Variants in SORBS2 observed in about 807,000 individuals in gnomAD.
SORBS2 encodes sorbin and SH3 domain containing 2.
Under a neutral mutation model 97.7 loss-of-function variants are expected in SORBS2, and 46 were observed. The ratio of observed to expected loss-of-function variants is 0.47; its 90% CI spans 0.37 to 0.60. SORBS2 has a LOEUF of 0.60. SORBS2 is among the 20% of genes least tolerant of loss of function. The probability of loss-of-function intolerance (pLI) is 0.00; values close to 1 mark genes in which losing one functional copy is unlikely to be tolerated. For synonymous variants in SORBS2, 476 were observed against 473.4 expected, an observed-to-expected ratio of 1.01 and a Z score of -0.07; for missense variants, 1,316 against 1,282.3, an observed-to-expected ratio of 1.03 and a Z score of -0.40.
At chr4:185,686,483 G>T (rs1321847908) in intron 2 of SORBS2, among the ~76,000 whole-genome samples, 1 of 152,142 alleles carries the variant, frequency 6.6e-6, no homozygotes, top group Non-Finnish European at 1.5e-5. Context: ...AGAACCCAAA[G>T]AAAGTGACAC....
At chr4:185,644,650 T>C (rs1172258031) in intron 4 of SORBS2, among the ~76,000 whole-genome samples, 1 of 152,154 alleles carries the variant, frequency 6.6e-6, no homozygotes. Flanking sequence ...GGAAATGCCA[T>C]GTGTCTGCTT....
chr4:185,829,644 T>C (rs917531139), intron 1 of SORBS2, among the ~76,000 whole-genome samples: 1 of 152,182 alleles, frequency 6.6e-6, no homozygotes, highest in Non-Finnish European at 1.5e-5. Flanking sequence ...CTCCAGAAGG[T>C]AGAAGAATGA....
chr4:185,681,288 C>T (rs2097862749), intron 2 of SORBS2, among the ~76,000 whole-genome samples: 1 of 151,860 alleles, frequency 6.6e-6, no homozygotes, highest in Non-Finnish European at 1.5e-5. Context: ...TTAGCATAGC[C>T]CTGCTTTTAT....
At chr4:185,922,607 C>A (rs183240678) in intron 1 of SORBS2, among the ~76,000 whole-genome samples, 85 of 152,258 alleles carry the variant, frequency 5.6e-4, no homozygotes, top group African/African-American at 1.9e-3. Flanking sequence ...CTTGTTTTAT[C>A]ATTTGTAATT....
intron 4 of SORBS2, among the ~76,000 whole-genome samples, chr4:185,670,414 T>A (rs2097695117): frequency 6.6e-6 from 1 of 152,148 alleles, no homozygotes; most frequent in Non-Finnish European, 1.5e-5. Flanking sequence ...AGGTTCCAGT[T>A]GGCTTGACAT....
Position 185,609,675 on chromosome 4 carries a change from T to G in SORBS2, c.2796+2105A>C, listed in dbSNP as rs1168627908. On this transcript the variant is annotated intron_variant, in intron 12 of 14. Coordinates refer to ENST00000418609, the Ensembl canonical transcript of SORBS2. ...ATATCAGAAATAAAATCAACATACA[T>G]TTTAGTCTCCCCTAAGACAAAGACA... Among the ~76,000 whole-genome samples, 7 of 152,212 alleles carry G rather than the reference T, an allele frequency of 4.6e-5. No individual in the cohort carries two copies. In the East Asian group the frequency reaches 1.3e-3, roughly 29 times the overall value.
At chr4:185,648,762 G>A (rs2097259302) in intron 3 of SORBS2, among the ~76,000 whole-genome samples, 1 of 152,106 alleles carries the variant, frequency 6.6e-6, no homozygotes, top group African/African-American at 2.4e-5. Flanking sequence ...TTTCTAAACT[G>A]CAGTTTCTTC....
intron 1 of SORBS2, among the ~76,000 whole-genome samples, chr4:185,861,341 G>C (rs1202969387): frequency 7.3e-6 from 1 of 136,082 alleles, no homozygotes; most frequent in African/African-American, 2.7e-5. Context: ...TCAGTCGGGT[G>C]GGGGGCTTAG....
chr4:185,716,588 G>A (rs2098466846), intron 2 of SORBS2, among the ~76,000 whole-genome samples: 1 of 146,976 alleles, frequency 6.8e-6, no homozygotes, highest in African/African-American at 2.5e-5. Flanking sequence ...GTTTTCTCTT[G>A]TATAAATGAG....
intron 4 of SORBS2, chr4:185,639,001 C>T (rs2097080007): frequency 2.0e-6 from 3 of 1,523,398 alleles, no homozygotes; most frequent in Non-Finnish European, 2.6e-6. Context: ...GCCAGGTTCC[C>T]TTGGAACAGG....
chr4:185,798,005 A>G (rs1215320698), intron 1 of SORBS2, among the ~76,000 whole-genome samples: 1 of 152,090 alleles, frequency 6.6e-6, no homozygotes, highest in African/African-American at 2.4e-5. Context: ...CCCCTCCCTC[A>G]TCCCAAAGAC....
At chr4:185,677,244 G>C (rs2097800461) in intron 4 of SORBS2, 1 of 1,551,720 alleles carries the variant, frequency 6.4e-7, no homozygotes, top group African/African-American at 1.4e-5. Context: ...GAACTGTGGA[G>C]TACTAATGGG....
In SORBS2 at chr4:185,605,957, A is replaced by G. The variant is rs2096408502; in HGVS notation, c.2796+5823T>C. 3 of 271,622 alleles carry G rather than the reference A, an allele frequency of 1.1e-5. No homozygotes were observed. The South Asian group carries it at 4.2e-4, about 38-fold the overall frequency. 16.8% of individuals were successfully genotyped at this position (271,622 alleles called of 1,614,324 possible). On this transcript the variant is annotated intron_variant, in intron 12 of 14. Transcript: ENST00000418609. ...AAAACCACTGTTCAAGATTCTTCAT[A>G]ACATGAAGATACAGTACCCAGTTCT...
intron 2 of SORBS2, among the ~76,000 whole-genome samples, chr4:185,711,641 A>G (rs540390850): frequency 4.7e-4 from 72 of 152,332 alleles, no homozygotes; most frequent in African/African-American, 1.6e-3. Flanking sequence ...TCTGTTCTAC[A>G]TCCTTCCCCA....
intron 4 of SORBS2, among the ~76,000 whole-genome samples, chr4:185,672,301 G>A (rs973236714): frequency 1.8e-4 from 27 of 152,242 alleles, no homozygotes; most frequent in Non-Finnish European, 4.4e-5. Context: ...AGTGGCAGCT[G>A]TGAAGGTGAG....
intron 4 of SORBS2, among the ~76,000 whole-genome samples, chr4:185,642,364 T>C (rs1024510662): frequency 2.0e-5 from 3 of 152,150 alleles, no homozygotes; most frequent in African/African-American, 7.2e-5. Context: ...TTTTTTTTAC[T>C]TTATCAAGCA....
At chr4:185,625,754 C>T (rs1377001220) in intron 6 of SORBS2, among the ~76,000 whole-genome samples, 1 of 152,220 alleles carries the variant, frequency 6.6e-6, no homozygotes, top group African/African-American at 2.4e-5. Flanking sequence ...CAGCTGATAT[C>T]ACAGCTTTAC....
chr4:185,682,681 G>T (rs2097888742), intron 2 of SORBS2, among the ~76,000 whole-genome samples: 1 of 152,122 alleles, frequency 6.6e-6, no homozygotes, highest in South Asian at 2.1e-4. Flanking sequence ...GCATATTAAT[G>T]CTAACTTCTT....
intron 1 of SORBS2, chr4:185,918,329 C>T (rs2099259318): frequency 6.6e-6 from 1 of 152,166 alleles, no homozygotes; most frequent in Non-Finnish European, 1.5e-5. Context: ...GGTTACAGAG[C>T]TGGAGAAAGA....
Sources: allele counts gnomAD v4.1 joint callset (sites outside exome capture counted in the v4.1 genomes callset), GRCh38; gene constraint gnomAD v4.1.1; transcripts MANE v1.5; gene names NCBI Gene and HGNC (gene_info 2026-07-23, HGNC 2026-07-21).